Variants in SPECC1 observed in about 807,000 individuals in gnomAD.
SPECC1 encodes cytospin-B.
SPECC1 carries 62 observed loss-of-function variants against 104.1 expected under a neutral mutation model. The observed-to-expected ratio is 0.60, with a 90% CI of 0.49 to 0.74. SPECC1 has a LOEUF of 0.74. SPECC1 is among the 30% of genes least tolerant of loss of function. The pLI, the probability that SPECC1 is intolerant of heterozygous loss-of-function variation, is 0.00. For synonymous variants in SPECC1, 513 were observed against 501.6 expected, an observed-to-expected ratio of 1.02 and a Z score of -0.30; for missense variants, 1,306 against 1,310.5, an observed-to-expected ratio of 1.00 and a Z score of 0.05.
chr17:20,011,449 C>T (rs957335454), intron 1 of SPECC1, among the ~76,000 whole-genome samples: 8 of 151,974 alleles, frequency 5.3e-5, no homozygotes, highest in African/African-American at 1.9e-4. Context: ...AGAAAACAGA[C>T]TCTTACATAT....
At chr17:20,225,523 T>C (rs182494799) in intron 4 of SPECC1, among the ~76,000 whole-genome samples, 2 of 152,304 alleles carry the variant, frequency 1.3e-5, no homozygotes, top group Admixed American at 6.5e-5. Context: ...TGTGTTGCTT[T>C]CTGCTGTGAT....
intron 13 of SPECC1, among the ~76,000 whole-genome samples, chr17:20,298,948 A>AGAGAGAGAGAGAGAGAGAGAGAGG: frequency 2.0e-5 from 1 of 49,072 alleles, no homozygotes; most frequent in African/African-American, 9.3e-5. Flanking sequence ...AGAGAGAGAG[A>AGAGAGAGAGAGAGAGAGAGAGAGG]GTGTGTGTGT....
intron 13 of SPECC1, among the ~76,000 whole-genome samples, chr17:20,301,854 C>T (rs1228250171): frequency 6.6e-6 from 1 of 151,968 alleles, no homozygotes; most frequent in Non-Finnish European, 1.5e-5. Flanking sequence ...TACAGGCACA[C>T]GGCACTACAC....
At chr17:20,041,059 C>G (rs963262118) in intron 1 of SPECC1, among the ~76,000 whole-genome samples, 1 of 151,864 alleles carries the variant, frequency 6.6e-6, no homozygotes, top group Non-Finnish European at 1.5e-5. Context: ...TCCTGCTGCT[C>G]CTCTTTTTTC....
chr17:20,311,010 A>G (rs1333498979), intron 14 of SPECC1, among the ~76,000 whole-genome samples: 6 of 151,994 alleles, frequency 3.9e-5, no homozygotes, highest in Non-Finnish European at 8.8e-5. Flanking sequence ...AGGCAAGGCC[A>G]GGCAGGCAGC....
chr17:20,294,379 A>T (rs945663034), intron 12 of SPECC1, among the ~76,000 whole-genome samples: 2 of 152,194 alleles, frequency 1.3e-5, no homozygotes, highest in Non-Finnish European at 2.9e-5. Context: ...ATGCAGCCTC[A>T]TGCTCCCTGC....
chr17:20,171,831 A>T (rs2034116018), intron 3 of SPECC1, among the ~76,000 whole-genome samples: 1 of 152,126 alleles, frequency 6.6e-6, no homozygotes, highest in Non-Finnish European at 1.5e-5. Context: ...GGGCTTCTTG[A>T]TGGCTGTGGT....
In SPECC1 at chr17:20,289,245, C is replaced by A. The variant is rs576736636; in HGVS notation, c.2941-7716C>A. Among the ~76,000 whole-genome samples the A allele has an allele frequency of 1.0e-3, 157 of 152,296 alleles. 1 individual carries two copies. The highest frequency in any genetic ancestry group is 3.4e-3 in the African/African-American group (143 of 41,568). On this transcript the variant is annotated intron_variant, in intron 12 of 14. Transcript: ENST00000395527. ...TGATTCAGTTACCTCCCCCTGGGTC[C>A]CTCCCACAACACTTGAGAATTCTGG...
At position 20,246,121 on chromosome 17, in the gene SPECC1, C is replaced by T. The variant is rs1432976411; in HGVS notation, c.2497+50C>T. ...CAAAGCTCCAAATTCAAACTTTGGC[C>T]CGACATTTGATATGTCTACTATCTC... On this transcript the variant is annotated intron_variant, in intron 8 of 14. Coordinates refer to ENST00000395527, the MANE Select transcript of SPECC1 (RefSeq NM_001243439.2). 3 of 1,602,882 alleles carry T rather than the reference C, an allele frequency of 1.9e-6. No homozygotes were observed. In the Admixed American group the frequency reaches 5.0e-5, roughly 27 times the overall value.
intron 3 of SPECC1, among the ~76,000 whole-genome samples, chr17:20,188,001 T>TA (rs1165789207): frequency 2.6e-5 from 4 of 152,170 alleles, no homozygotes; most frequent in African/African-American, 9.7e-5. Flanking sequence ...TTAATGAAGA[T>TA]ATAGAATTCA....
intron 13 of SPECC1, among the ~76,000 whole-genome samples, chr17:20,298,984 G>GTGT (rs1395919924): frequency 0.017 from 1,277 of 76,478 alleles, 159 homozygotes; most frequent in African/African-American, 0.063. Flanking sequence ...TGTAGAGAGA[G>GTGT]AGAGAGAGAG....
intron 3 of SPECC1, among the ~76,000 whole-genome samples, chr17:20,177,812 C>T (rs2034578292): frequency 6.6e-6 from 1 of 152,092 alleles, no homozygotes; most frequent in Non-Finnish European, 1.5e-5. Context: ...TGGGTTTAAG[C>T]AATTCTTCTG....
At chr17:20,291,615 G>C (rs566060688) in intron 12 of SPECC1, among the ~76,000 whole-genome samples, 13 of 152,128 alleles carry the variant, frequency 8.5e-5, no homozygotes, top group Non-Finnish European at 1.9e-4. Context: ...CATGATCTTG[G>C]CTCACTGCAA....
chr17:20,083,478 A>G (rs1470042493), intron 1 of SPECC1, among the ~76,000 whole-genome samples: 1 of 152,166 alleles, frequency 6.6e-6, no homozygotes, highest in Admixed American at 6.5e-5. Flanking sequence ...ATTTGTGTAG[A>G]TAGGTGGCCT....
intron 1 of SPECC1, among the ~76,000 whole-genome samples, chr17:20,031,608 C>T (rs995809919): frequency 6.6e-6 from 1 of 152,198 alleles, no homozygotes; most frequent in Non-Finnish European, 1.5e-5. Flanking sequence ...GTCTCCAGAA[C>T]TCTTTTTATC....
intron 1 of SPECC1, among the ~76,000 whole-genome samples, chr17:20,035,858 A>AT (rs1555594399): frequency 1.3e-5 from 2 of 151,566 alleles, no homozygotes; most frequent in Non-Finnish European, 2.9e-5. Context: ...TTTGAGACGG[A>AT]GTCTCGTTCT....
At chr17:20,256,738 C>CA (rs1385689580) in intron 10 of SPECC1, among the ~76,000 whole-genome samples, 1 of 152,156 alleles carries the variant, frequency 6.6e-6, no homozygotes, top group Admixed American at 6.5e-5. Flanking sequence ...TCTGGCTAGA[C>CA]ATGGTGGTGC....
At chr17:20,265,110 T>C (rs948350037) in intron 12 of SPECC1, among the ~76,000 whole-genome samples, 5 of 152,196 alleles carry the variant, frequency 3.3e-5, no homozygotes, top group African/African-American at 1.2e-4. Flanking sequence ...GAACGACTTA[T>C]TTTTCTTTGG....
chr17:20,185,643 T>C (rs757176620), intron 3 of SPECC1, among the ~76,000 whole-genome samples: 7 of 152,134 alleles, frequency 4.6e-5, no homozygotes, highest in Non-Finnish European at 1.0e-4. Flanking sequence ...TCTGAAACAG[T>C]GGTGGCAGGA....
Sources: gnomAD v4.1 joint callset for allele counts (sites outside exome capture counted in the v4.1 genomes callset) on GRCh38, gnomAD v4.1.1 for gene constraint, MANE v1.5 for transcripts, NCBI Gene and HGNC (gene_info 2026-07-23, HGNC 2026-07-21) for gene names.